GNAL: variants seen among roughly 807,000 people sequenced by gnomAD.
GNAL encodes the protein G protein subunit alpha L.
GNAL carries 18 observed loss-of-function variants against 55.1 expected under a neutral mutation model. The ratio of observed to expected loss-of-function variants is 0.33; its 90% CI spans 0.23 to 0.48. The LOEUF (loss-of-function observed/expected upper bound fraction) is 0.48, where lower values mean the gene tolerates loss of function less well. Ranked by LOEUF, GNAL falls within the 20% of genes least tolerant of loss-of-function variation. GNAL has a pLI of 0.99. For synonymous variants in GNAL, 253 were observed against 237.0 expected, an observed-to-expected ratio of 1.07 and a Z score of -0.62; for missense variants, 412 against 614.1, an observed-to-expected ratio of 0.67 and a Z score of 3.48.
intron 4 of GNAL, among the ~76,000 whole-genome samples, chr18:11,782,800 T>C (rs2033956305): frequency 6.6e-6 from 1 of 152,248 alleles, no homozygotes; most frequent in South Asian, 2.1e-4. Context: ...TTTAGAAACA[T>C]GTATCTTTCT....
At chr18:11,727,258 G>T (rs138941606) in intron 1 of GNAL, among the ~76,000 whole-genome samples, 1 of 152,200 alleles carries the variant, frequency 6.6e-6, no homozygotes, top group Non-Finnish European at 1.5e-5. Flanking sequence ...GGGCGGAGCC[G>T]CAGGGTGTCA....
At chr18:11,759,353 T>C (rs1041135164) in intron 4 of GNAL, among the ~76,000 whole-genome samples, 3 of 152,248 alleles carry the variant, frequency 2.0e-5, no homozygotes, top group Admixed American at 1.3e-4. Context: ...TGTATTTTGC[T>C]AGTTTTTTCT....
rs2037059696 is a variant in GNAL at position 11,885,444 on chromosome 18, C to T, written c.*4309C>T. On this transcript the variant is annotated 3_prime_UTR_variant, in exon 12 of 12. Coordinates refer to ENST00000334049, the MANE Select transcript of GNAL (RefSeq NM_182978.4). Reference sequence around the variant, plus strand: ...GGCCCTCCCTGAAGGATAAAGTCCACCTGGACGGTGCCCTGCCCTCGCTTC... The same window carrying T: ...GGCCCTCCCTGAAGGATAAAGTCCATCTGGACGGTGCCCTGCCCTCGCTTC... 1.1e-5 allele frequency: 6 copies of T among 545,122 alleles called. No individual in the cohort carries two copies. The Admixed American group carries it at 1.7e-4, about 15-fold the overall frequency. 33.8% of individuals were successfully genotyped at this position (545,122 alleles called of 1,614,324 possible).
At chr18:11,784,142 A>G (rs1341199551) in intron 4 of GNAL, among the ~76,000 whole-genome samples, 1 of 152,234 alleles carries the variant, frequency 6.6e-6, no homozygotes, top group Non-Finnish European at 1.5e-5. Flanking sequence ...CTTAGCAGCT[A>G]TGCTTCCTCA....
chr18:11,703,195 C>T (rs537317047), intron 1 of GNAL, among the ~76,000 whole-genome samples: 1 of 152,260 alleles, frequency 6.6e-6, no homozygotes, highest in African/African-American at 2.4e-5. Flanking sequence ...TTTGAGAAAC[C>T]CCTCGTTTTG....
At chr18:11,867,847 G>A (rs9303752) in intron 8 of GNAL, among the ~76,000 whole-genome samples, 8,816 of 151,164 alleles carry the variant, frequency 0.058, 297 homozygotes, top group African/African-American at 0.086. Flanking sequence ...AAAATTAGCC[G>A]GGTGTGGTGG....
intron 1 of GNAL, chr18:11,746,056 T>C (rs1197151599): frequency 2.5e-6 from 1 of 396,146 alleles, no homozygotes; most frequent in Non-Finnish European, 5.0e-6. Context: ...ATTTTGGTTG[T>C]GTCTTCAGAA....
At chr18:11,772,289 T>G (rs1598444407) in intron 4 of GNAL, among the ~76,000 whole-genome samples, 1 of 152,358 alleles carries the variant, frequency 6.6e-6, no homozygotes, top group East Asian at 1.9e-4. Context: ...ATTGTCCTAG[T>G]TGATTTTATT....
At chr18:11,768,279 A>G (rs1278592247) in intron 4 of GNAL, among the ~76,000 whole-genome samples, 1 of 152,162 alleles carries the variant, frequency 6.6e-6, no homozygotes, top group Non-Finnish European at 1.5e-5. Flanking sequence ...AAGCCTTACC[A>G]CTTAGTGAAG....
At chr18:11,798,569 A>G (rs1251502524) in intron 4 of GNAL, among the ~76,000 whole-genome samples, 2 of 152,190 alleles carry the variant, frequency 1.3e-5, no homozygotes, top group Admixed American at 6.5e-5. Context: ...CCTTTATTTA[A>G]AAAAAGCAAA....
chr18:11,759,127 C>A (rs1008329249), intron 4 of GNAL, among the ~76,000 whole-genome samples: 2 of 151,382 alleles, frequency 1.3e-5, no homozygotes, highest in Non-Finnish European at 2.9e-5. Context: ...GAGCCAAGAT[C>A]GTGATATTCC....
chr18:11,775,206 C>A (rs10164166), intron 4 of GNAL, among the ~76,000 whole-genome samples: 34,398 of 152,140 alleles, frequency 0.23, 5,061 homozygotes, highest in African/African-American at 0.42. Flanking sequence ...GATGAAAGCA[C>A]TGTGTTCTGG....
chr18:11,749,858 AAC>A (rs1271559855), intron 1 of GNAL, among the ~76,000 whole-genome samples: 2 of 152,186 alleles, frequency 1.3e-5, no homozygotes, highest in East Asian at 3.9e-4. Flanking sequence ...CCTGTTCAGG[AAC>A]TGAGAGTGTT....
intron 4 of GNAL, among the ~76,000 whole-genome samples, chr18:11,771,233 A>AG (rs1389292512): frequency 6.6e-5 from 10 of 150,692 alleles, no homozygotes; most frequent in African/African-American, 2.5e-4. Flanking sequence ...AAAAAAAAAG[A>AG]AAAAAAGAGA....
At chr18:11,736,815 G>A (rs973576619) in intron 1 of GNAL, among the ~76,000 whole-genome samples, 2 of 152,206 alleles carry the variant, frequency 1.3e-5, no homozygotes, top group African/African-American at 4.8e-5. Context: ...TATATGGATG[G>A]TTGATTAGTC....
chr18:11,869,862 T>G (rs1343027393), intron 9 of GNAL, among the ~76,000 whole-genome samples: 1 of 152,124 alleles, frequency 6.6e-6, no homozygotes, highest in South Asian at 2.1e-4. Context: ...TAAGCTGCGA[T>G]TGCATCACTG....
At chr18:11,853,763 C>T (rs1405085575) in intron 5 of GNAL, 1 of 167,032 alleles carries the variant, frequency 6.0e-6, no homozygotes, top group Non-Finnish European at 1.5e-5. Flanking sequence ...CAAGAATATC[C>T]CTCCTGTCCT....
Position 11,879,507 on chromosome 18 carries a change from C to T in GNAL, c.1231-1482C>T, listed in dbSNP as rs539526007. Among the ~76,000 whole-genome samples the T allele has an allele frequency of 3.9e-5, 6 of 152,162 alleles. No homozygotes were observed. The East Asian group carries it at 9.6e-4, about 24-fold the overall frequency. On this transcript the variant is annotated intron_variant, in intron 11 of 11. Coordinates refer to ENST00000334049, the MANE Select transcript of GNAL (RefSeq NM_182978.4). ...GAAATCAAGGTGCGGGGTCTTCCCTCGCACATGGCTGCATCCTCCTGGTTT... is the reference window on the plus strand; with the variant it reads ...GAAATCAAGGTGCGGGGTCTTCCCTTGCACATGGCTGCATCCTCCTGGTTT...
At chr18:11,744,976 T>C (rs2032657578) in intron 1 of GNAL, among the ~76,000 whole-genome samples, 1 of 152,140 alleles carries the variant, frequency 6.6e-6, no homozygotes, top group Non-Finnish European at 1.5e-5. Context: ...TCTCCCAAAG[T>C]GCTGGGACTA....
Sources: allele counts gnomAD v4.1 joint callset (sites outside exome capture counted in the v4.1 genomes callset), GRCh38; gene constraint gnomAD v4.1.1; transcripts MANE v1.5; gene names NCBI Gene and HGNC (gene_info 2026-07-23, HGNC 2026-07-21).